Variants in BICC1 observed in about 807,000 individuals in gnomAD.
The protein encoded by BICC1 is BicC family RNA binding protein 1.
In BICC1, 43 loss-of-function variants were observed where a neutral mutation model predicts 111.0. The observed-to-expected ratio is 0.39, with a 90% CI of 0.30 to 0.50. BICC1 has a LOEUF of 0.50. Ranked by LOEUF, BICC1 falls within the 20% of genes least tolerant of loss-of-function variation. The pLI is 0.88. For missense variants in BICC1, 1,091 were observed against 1,203.2 expected (o/e 0.91, Z 1.38); for synonymous variants, 467 against 434.4 (o/e 1.07, Z -0.93).
At chr10:58,594,305 G>A (rs1196566715) in intron 1 of BICC1, among the ~76,000 whole-genome samples, 1 of 152,112 alleles carries the variant, frequency 6.6e-6, no homozygotes, top group Non-Finnish European at 1.5e-5. Flanking sequence ...GCACTTTTCA[G>A]GATATTATCC....
At chr10:58,731,549 GA>G (rs1841295238) in intron 3 of BICC1, among the ~76,000 whole-genome samples, 1 of 152,180 alleles carries the variant, frequency 6.6e-6, no homozygotes, top group African/African-American at 2.4e-5. Context: ...ACATGAAACT[GA>G]GTAATTATTA....
chr10:58,513,106 G>C lies in BICC1; in HGVS notation c.-38G>C. 1 of 1,345,004 alleles carries C rather than the reference G, an allele frequency of 7.4e-7. No homozygotes were observed. The highest frequency in any genetic ancestry group is 1.5e-5 in the African/African-American group (1 of 64,790). The allele number at this position is 1,345,004 out of a possible 1,614,324, so 83.3% of individuals were successfully genotyped here. On this transcript the variant is annotated 5_prime_UTR_variant, in exon 1 of 21. Transcript: ENST00000373886. ...GCGGAGGCGGCAGCGCAGGCAGAGC[G>C]GCGGCGGCAGCGGGAGCCCGAGCGC...
At chr10:58,823,038 T>C (rs1844297515) in intron 20 of BICC1, among the ~76,000 whole-genome samples, 1 of 152,042 alleles carries the variant, frequency 6.6e-6, no homozygotes, top group African/African-American at 2.4e-5. Flanking sequence ...TGGATCAAAG[T>C]ATAAATTTGA....
At chr10:58,744,444 T>A (rs1841768440) in intron 3 of BICC1, among the ~76,000 whole-genome samples, 1 of 152,036 alleles carries the variant, frequency 6.6e-6, no homozygotes, top group Non-Finnish European at 1.5e-5. Flanking sequence ...TTTAAAAAAA[T>A]AGCTTTCATG....
chr10:58,665,176 G>C (rs1838971531), intron 2 of BICC1, among the ~76,000 whole-genome samples: 2 of 152,072 alleles, frequency 1.3e-5, no homozygotes, highest in Admixed American at 1.3e-4. Flanking sequence ...GTTTTAGTCA[G>C]GTCTTGTGTG....
At chr10:58,736,779 A>C (rs997634574) in intron 3 of BICC1, among the ~76,000 whole-genome samples, 1 of 152,214 alleles carries the variant, frequency 6.6e-6, no homozygotes, top group Admixed American at 6.5e-5. Context: ...AGACTTACTA[A>C]AGAACAGTAG....
chr10:58,772,153 G>A (rs1029183550), intron 3 of BICC1, among the ~76,000 whole-genome samples: 5 of 152,104 alleles, frequency 3.3e-5, no homozygotes, highest in African/African-American at 1.2e-4. Flanking sequence ...TCCATTCCAG[G>A]TCTGAAGTTC....
chr10:58,709,104 A>C (rs1028974551), intron 3 of BICC1, among the ~76,000 whole-genome samples: 1 of 152,014 alleles, frequency 6.6e-6, no homozygotes, highest in African/African-American at 2.4e-5. Context: ...ATATATAATA[A>C]ATTATATTTA....
chr10:58,581,248 G>A (rs1389659171), intron 1 of BICC1, among the ~76,000 whole-genome samples: 5 of 152,122 alleles, frequency 3.3e-5, no homozygotes, highest in Non-Finnish European at 7.4e-5. Flanking sequence ...ATTTTGAATA[G>A]TAGTGCTTTG....
rs764573345 is a variant in BICC1 at position 58,787,054 on chromosome 10, G to A, written c.519G>A (p.Arg173=). 1 of 1,588,140 alleles carries A rather than the reference G, an allele frequency of 6.3e-7. No individual in the cohort carries two copies. Among genetic ancestry groups the A allele is most frequent in the Admixed American group, 1.8e-5 (1 of 54,430 alleles). Reference sequence around the variant, plus strand: ...ATATCCACTTTCCAGATTCCAACAGGAATAACCAAGCAGAAAAAAGCAACC... The same window carrying A: ...ATATCCACTTTCCAGATTCCAACAGAAATAACCAAGCAGAAAAAAGCAACC... ...GCHIHFPDSN[R]NNQAEKSNQV... is the part of the protein sequence containing the mutation. Residue 173 remains arginine (R), a synonymous_variant, in exon 5 of 21, where the codon AGG becomes AGA. Transcript: ENST00000373886.
At chr10:58,661,997 T>G (rs1484074637) in intron 2 of BICC1, among the ~76,000 whole-genome samples, 1 of 152,196 alleles carries the variant, frequency 6.6e-6, no homozygotes, top group African/African-American at 2.4e-5. Context: ...TTATGAAGAA[T>G]AAAATGTTCC....
Position 58,800,242 on chromosome 10 carries a change from A to G in BICC1, c.1774A>G (p.Lys592Glu). The part of the protein sequence containing the change: ...GAISTSSLGE[K>E]VLSANHGDPS... ...AATATCCACTTCATCACTTGGAGAA[A>G]AAGTGCTGAGTGCAAATCACGGGGA... is the stretch of plus-strand genomic sequence containing the variant. Residue 592 changes from lysine (K) to glutamate (E), a missense_variant, in exon 13 of 21, where the codon AAA becomes GAA. By Grantham distance (56) the Lys-to-Glu change is moderately conservative (BLOSUM62 1). Coordinates refer to ENST00000373886, the MANE Select transcript of BICC1 (RefSeq NM_001080512.3). 1 of 1,611,502 alleles carries G rather than the reference A, an allele frequency of 6.2e-7. No individual in the cohort carries two copies. The highest frequency in any genetic ancestry group is 2.2e-5 in the East Asian group (1 of 44,772).
intron 1 of BICC1, among the ~76,000 whole-genome samples, chr10:58,562,347 T>C (rs1843628972): frequency 6.6e-6 from 1 of 152,098 alleles, no homozygotes; most frequent in Admixed American, 6.6e-5. Flanking sequence ...CCCATTTTTA[T>C]CTTTAGAAAT....
intron 1 of BICC1, among the ~76,000 whole-genome samples, chr10:58,547,652 C>G (rs996538531): frequency 1.3e-5 from 2 of 150,276 alleles, no homozygotes; most frequent in Non-Finnish European, 3.0e-5. Flanking sequence ...GGTCTCTTCT[C>G]TGTGTATACA....
chr10:58,691,857 T>C (rs1839919239), intron 2 of BICC1, among the ~76,000 whole-genome samples: 1 of 152,166 alleles, frequency 6.6e-6, no homozygotes, highest in African/African-American at 2.4e-5. Context: ...TGCCAGTGAT[T>C]TAGGACTTAC....
intron 2 of BICC1, among the ~76,000 whole-genome samples, chr10:58,680,642 A>G (rs1237176589): frequency 6.6e-6 from 1 of 152,254 alleles, no homozygotes; most frequent in Admixed American, 6.5e-5. Context: ...TCAAGCTACC[A>G]TTGACTTTCT....
intron 1 of BICC1, among the ~76,000 whole-genome samples, chr10:58,542,197 T>C (rs556163903): frequency 3.5e-5 from 5 of 141,158 alleles, no homozygotes; most frequent in Non-Finnish European, 6.2e-5. Flanking sequence ...TACAGACTAG[T>C]GGAACAGAAT....
intron 10 of BICC1, 139 bp from the exon 11 acceptor site, chr10:58,798,260 A>G: frequency 1.5e-6 from 1 of 678,860 alleles, no homozygotes; most frequent in Non-Finnish European, 2.2e-6. Context: ...AGTATTTGAA[A>G]GAAAATCTGT....
intron 3 of BICC1, among the ~76,000 whole-genome samples, chr10:58,766,210 CA>C (rs541037880): frequency 1.5e-3 from 219 of 150,026 alleles, no homozygotes; most frequent in Non-Finnish European, 2.6e-3. Context: ...CATTATGTTC[CA>C]AAAAAAAACC....
Sources: gnomAD v4.1 joint callset for allele counts (sites outside exome capture counted in the v4.1 genomes callset) on GRCh38, gnomAD v4.1.1 for gene constraint, MANE v1.5 for transcripts, NCBI Gene and HGNC (gene_info 2026-07-23, HGNC 2026-07-21) for gene names.